ANTXR2: variants seen among roughly 807,000 people sequenced by gnomAD.
The protein encoded by ANTXR2 is ANTXR cell adhesion molecule 2.
Under a neutral mutation model 73.7 loss-of-function variants are expected in ANTXR2, and 44 were observed. The ratio of observed to expected loss-of-function variants is 0.60; its 90% CI spans 0.47 to 0.77. ANTXR2 has a LOEUF of 0.77. Ranked by LOEUF, ANTXR2 falls within the 30% of genes least tolerant of loss-of-function variation. The pLI, the probability that ANTXR2 is intolerant of heterozygous loss-of-function variation, is 0.00. For missense variants in ANTXR2, 604 were observed against 592.5 expected, an observed-to-expected ratio of 1.02 and a Z score of -0.20; for synonymous variants, 217 against 205.9, an observed-to-expected ratio of 1.05 and a Z score of -0.46.
At chr4:80,018,811 G>A in intron 11 of ANTXR2, 87 bp downstream of exon 11, 6 of 1,039,724 alleles carry the variant, frequency 5.8e-6, no homozygotes. Context: ...CTCCTTTATT[G>A]TAGTATGCAA....
chr4:79,909,474 T>C (rs186407247), intron 16 of ANTXR2, among the ~76,000 whole-genome samples: 24 of 152,204 alleles, frequency 1.6e-4, no homozygotes, highest in Admixed American at 1.4e-3. Context: ...AATACCTAAA[T>C]TATTCCAGAC....
intron 16 of ANTXR2, among the ~76,000 whole-genome samples, chr4:79,927,491 AC>A (rs1377170898): frequency 2.0e-5 from 3 of 152,254 alleles, no homozygotes; most frequent in Admixed American, 2.0e-4. Flanking sequence ...TTTGCATATA[AC>A]CTACCTACAT....
In ANTXR2 at chr4:79,926,980, T is replaced by TGCATATATGTGTATATATACAC. The variant is rs1727830662; in HGVS notation, c.1429-19514_1429-19513insGTGTATATATACACATATATGC. On this transcript the variant is annotated intron_variant, in intron 16 of 16. Transcript: ENST00000403729. ...GTGTGCATATATGTGTATATATACG[T>TGCATATATGTGTATATATACAC]GTGCATATATGTGTATATATACACG... Among the ~76,000 whole-genome samples, 3 of 92,838 alleles carry TGCATATATGTGTATATATACAC rather than the reference T, an allele frequency of 3.2e-5. No homozygotes were observed. In the South Asian group the frequency reaches 1.0e-3, roughly 31 times the overall value. 60.9% of individuals were successfully genotyped at this position (92,838 alleles called of 152,430 possible). A position where few individuals can be genotyped will look rare whatever the true frequency, so the allele number is the denominator to read the frequency against.
intron 2 of ANTXR2, among the ~76,000 whole-genome samples, chr4:80,071,011 G>C (rs997309520): frequency 2.6e-5 from 4 of 152,164 alleles, no homozygotes; most frequent in African/African-American, 9.7e-5. Flanking sequence ...TTATAGGAGA[G>C]GAAACCAGTC....
intron 16 of ANTXR2, among the ~76,000 whole-genome samples, chr4:79,922,560 TAG>T (rs1162316100): frequency 6.6e-6 from 1 of 152,068 alleles, no homozygotes; most frequent in Non-Finnish European, 1.5e-5. Flanking sequence ...TTCAAATAAG[TAG>T]AGACATAATT....
chr4:80,019,284 T>TGGGA (rs1314676974), intron 10 of ANTXR2, among the ~76,000 whole-genome samples: 1 of 152,144 alleles, frequency 6.6e-6, no homozygotes, highest in South Asian at 2.1e-4. Context: ...GGAGAATTGC[T>TGGGA]GGAACCTGGG....
intron 12 of ANTXR2, among the ~76,000 whole-genome samples, chr4:79,997,882 T>G (rs1730802831): frequency 6.6e-6 from 1 of 151,920 alleles, no homozygotes; most frequent in Non-Finnish European, 1.5e-5. Context: ...AGCATCACCA[T>G]GAAAGCATGA....
intron 16 of ANTXR2, among the ~76,000 whole-genome samples, chr4:79,924,268 A>G (rs1315003376): frequency 6.6e-6 from 1 of 152,158 alleles, no homozygotes; most frequent in African/African-American, 2.4e-5. Flanking sequence ...AGGTTTAAAT[A>G]CTGGGTACTT....
chr4:80,048,349 AAATAC>A (rs1218279481), intron 7 of ANTXR2, among the ~76,000 whole-genome samples: 1 of 151,430 alleles, frequency 6.6e-6, no homozygotes, highest in Non-Finnish European at 1.5e-5. Context: ...TATTATAATG[AAATAC>A]CTCATCTACA....
intron 12 of ANTXR2, among the ~76,000 whole-genome samples, chr4:80,006,181 G>A (rs1010790976): frequency 3.3e-5 from 5 of 151,846 alleles, no homozygotes; most frequent in African/African-American, 4.8e-5. Context: ...TACACACGCC[G>A]CTATTAGGAC....
intron 16 of ANTXR2, among the ~76,000 whole-genome samples, chr4:79,943,633 C>T (rs1428789976): frequency 8.5e-6 from 1 of 118,184 alleles, no homozygotes; most frequent in African/African-American, 3.4e-5. Context: ...ATACCTAATG[C>T]TAGATGACAC....
At chr4:80,040,535 T>G (rs994552008) in intron 7 of ANTXR2, among the ~76,000 whole-genome samples, 1 of 152,126 alleles carries the variant, frequency 6.6e-6, no homozygotes, top group Non-Finnish European at 1.5e-5. Context: ...TAATATATGC[T>G]GTCATCATTA....
At chr4:79,947,263 G>T (rs1553927365) in intron 16 of ANTXR2, among the ~76,000 whole-genome samples, 1 of 151,998 alleles carries the variant, frequency 6.6e-6, no homozygotes, top group East Asian at 1.9e-4. Flanking sequence ...GAAATTGAAA[G>T]AAAAAAGTAA....
chr4:79,916,657 C>G (rs1185386028), intron 16 of ANTXR2, among the ~76,000 whole-genome samples: 1 of 151,782 alleles, frequency 6.6e-6, no homozygotes. Flanking sequence ...AAATGTCCAC[C>G]AGGAAGAGAA....
intron 16 of ANTXR2, among the ~76,000 whole-genome samples, chr4:79,946,764 C>T (rs1243030697): frequency 6.6e-6 from 1 of 152,044 alleles, no homozygotes; most frequent in Non-Finnish European, 1.5e-5. Context: ...AGGTGATGAA[C>T]CAACAAATTC....
At chr4:79,930,892 A>G (rs1728029030) in intron 16 of ANTXR2, among the ~76,000 whole-genome samples, 1 of 152,248 alleles carries the variant, frequency 6.6e-6, no homozygotes, top group Non-Finnish European at 1.5e-5. Flanking sequence ...TTCCGCTTAC[A>G]GCTCTAAAGT....
intron 12 of ANTXR2, among the ~76,000 whole-genome samples, chr4:80,007,588 G>A (rs1731367970): frequency 1.3e-5 from 2 of 152,304 alleles, no homozygotes; most frequent in South Asian, 4.1e-4. Context: ...TTAGCTAAGT[G>A]CGTCCAATCT....
At position 80,008,544 on chromosome 4, in the gene ANTXR2, A is replaced by C. The variant is rs760357727; in HGVS notation, c.1018T>G (p.Phe340Val). 6.2e-7 allele frequency: 1 copy of C among 1,609,202 alleles called. No individual in the cohort carries two copies. Among genetic ancestry groups the C allele is most frequent in the South Asian group, 1.1e-5 (1 of 89,974 alleles). The change falls in exon 12 of 17, where the codon TTT becomes GTT. Residue 340 changes from phenylalanine (F) to valine (V), a missense_variant. By Grantham distance (50) the Phe-to-Val change is conservative. Transcript: ENST00000403729. ...ACCACTTTGCAGCAAAGGGGCCAAA[A>C]CCACCACATCAAACCGATCCCCAGG... ...LLLGIGLMWW[F>V]WPLCCKVVIK... is the part of the protein sequence containing the mutation.
chr4:79,997,220 GAA>G (rs1422042848), intron 12 of ANTXR2, among the ~76,000 whole-genome samples: 1 of 151,574 alleles, frequency 6.6e-6, no homozygotes, highest in Non-Finnish European at 1.5e-5. Flanking sequence ...CCAATATTCA[GAA>G]AAGAGTGAAA....
Sources: gnomAD v4.1 joint callset for allele counts (sites outside exome capture counted in the v4.1 genomes callset) on GRCh38, gnomAD v4.1.1 for gene constraint, MANE v1.5 for transcripts, NCBI Gene and HGNC (gene_info 2026-07-23, HGNC 2026-07-21) for gene names.